SGCZ: variants seen among roughly 807,000 people sequenced by gnomAD.
SGCZ encodes the protein sarcoglycan zeta, also known as zeta-sarcoglycan.
SGCZ carries 40 observed loss-of-function variants against 41.3 expected under a neutral mutation model. The ratio of observed to expected loss-of-function variants is 0.97; its 90% confidence interval spans 0.75 to 1.26. SGCZ has a LOEUF of 1.26. Ranked by LOEUF, SGCZ falls within the 50% of genes most tolerant of loss-of-function variation. SGCZ has a pLI of 0.00. For missense variants in SGCZ, 552 were observed against 369.8 expected (o/e 1.49, Z -4.04); for synonymous variants, 206 against 137.5 (o/e 1.50, Z -3.49).
intron 1 of SGCZ, among the ~76,000 whole-genome samples, chr8:15,039,524 G>A (rs1803998493): frequency 6.6e-6 from 1 of 152,172 alleles, no homozygotes; most frequent in South Asian, 2.1e-4. Context: ...TACAGAGGAA[G>A]AATAAGTTCA....
chr8:14,488,960 T>A (rs768190202), intron 2 of SGCZ, among the ~76,000 whole-genome samples: 5 of 140,066 alleles, frequency 3.6e-5, no homozygotes, highest in East Asian at 2.0e-4. Context: ...AAGAAAAAAA[T>A]TCATCAACCA....
chr8:14,563,381 A>G (rs1200371933), intron 1 of SGCZ, among the ~76,000 whole-genome samples: 1 of 152,228 alleles, frequency 6.6e-6, no homozygotes, highest in Non-Finnish European at 1.5e-5. Context: ...AGGCTAAAAT[A>G]AATGACTCCT....
chr8:14,569,544 G>A (rs1043942353), intron 1 of SGCZ, among the ~76,000 whole-genome samples: 1 of 152,132 alleles, frequency 6.6e-6, no homozygotes, highest in Non-Finnish European at 1.5e-5. Flanking sequence ...TAGAAGCTAT[G>A]GATAGAATAG....
intron 2 of SGCZ, among the ~76,000 whole-genome samples, chr8:14,457,392 T>C (rs1444605748): frequency 6.6e-6 from 1 of 152,096 alleles, no homozygotes; most frequent in Admixed American, 6.5e-5. Context: ...TAGCAAAAGG[T>C]GTCAAGGAAC....
At chr8:14,207,931 T>C (rs921770250) in intron 4 of SGCZ, among the ~76,000 whole-genome samples, 1 of 152,174 alleles carries the variant, frequency 6.6e-6, no homozygotes, top group African/African-American at 2.4e-5. Flanking sequence ...AGCATGGTAC[T>C]ACTTATCCTA....
chr8:14,213,061 C>G (rs548340908), intron 4 of SGCZ, among the ~76,000 whole-genome samples: 3 of 151,948 alleles, frequency 2.0e-5, no homozygotes, highest in Admixed American at 1.3e-4. Context: ...TTCTCAGGGA[C>G]TGTGGGACAA....
At chr8:15,021,657 A>G (rs189567994) in intron 1 of SGCZ, among the ~76,000 whole-genome samples, 1 of 152,078 alleles carries the variant, frequency 6.6e-6, no homozygotes, top group Admixed American at 6.5e-5. Context: ...TGACGTGTTA[A>G]TCCACATATG....
intron 1 of SGCZ, among the ~76,000 whole-genome samples, chr8:15,049,773 T>G (rs1168445676): frequency 6.6e-6 from 1 of 152,116 alleles, no homozygotes; most frequent in Non-Finnish European, 1.5e-5. Flanking sequence ...AACTAAATCA[T>G]GGAGGCAATT....
chr8:14,974,792 G>A (rs559337127), intron 1 of SGCZ, among the ~76,000 whole-genome samples: 2 of 151,006 alleles, frequency 1.3e-5, no homozygotes, highest in African/African-American at 4.9e-5. Context: ...CAAAGTACTT[G>A]GAAACAAAAT....
chr8:15,015,279 A>T (rs1802982982), intron 1 of SGCZ, among the ~76,000 whole-genome samples: 1 of 152,038 alleles, frequency 6.6e-6, no homozygotes, highest in African/African-American at 2.4e-5. Context: ...ATTGGGATAA[A>T]GTGTTTATAA....
chr8:14,886,285 T>G lies in SGCZ; in HGVS notation c.40-331359A>C, dbSNP rs143727009. 9.4e-3 allele frequency among the ~76,000 whole-genome samples: 1,432 copies of G among 151,934 alleles called. 16 individuals carry two copies. The highest frequency in any genetic ancestry group is 0.032 in the African/African-American group (1,346 of 41,436). On this transcript the variant is annotated intron_variant, in intron 1 of 7. Coordinates refer to ENST00000382080, the MANE Select transcript of SGCZ (RefSeq NM_139167.4). Reference sequence around the variant, plus strand: ...TTCCATCCTGAGAGATAGCATAGAATAAACTAGCAAAAATCCCTGCTCTCA... The same window carrying G: ...TTCCATCCTGAGAGATAGCATAGAAGAAACTAGCAAAAATCCCTGCTCTCA...
intron 1 of SGCZ, among the ~76,000 whole-genome samples, chr8:14,685,186 T>G (rs375961234): frequency 4.6e-5 from 7 of 152,118 alleles, no homozygotes; most frequent in African/African-American, 1.7e-4. Context: ...ATGTTCTGCT[T>G]GTATTTCATG....
At chr8:14,131,873 C>G (rs1481171052) in intron 5 of SGCZ, among the ~76,000 whole-genome samples, 1 of 152,038 alleles carries the variant, frequency 6.6e-6, no homozygotes, top group Non-Finnish European at 1.5e-5. Context: ...ACATGCTGTA[C>G]AGCTTTGTAA....
chr8:14,825,402 G>C (rs931542476), intron 1 of SGCZ, among the ~76,000 whole-genome samples: 7 of 151,902 alleles, frequency 4.6e-5, no homozygotes, highest in African/African-American at 1.7e-4. Context: ...ACTTACTGAA[G>C]AACTCAAAAA....
chr8:14,516,441 T>A (rs190195635), intron 2 of SGCZ, among the ~76,000 whole-genome samples: 14 of 152,142 alleles, frequency 9.2e-5, no homozygotes, highest in Admixed American at 5.2e-4. Flanking sequence ...TAAGACACAT[T>A]TATCAATTTA....
chr8:14,394,597 T>G (rs1804913492), intron 2 of SGCZ, among the ~76,000 whole-genome samples: 1 of 152,184 alleles, frequency 6.6e-6, no homozygotes, highest in Non-Finnish European at 1.5e-5. Context: ...ATTCATGCAT[T>G]CATTCAGCAA....
chr8:14,516,824 T>G (rs2117089920), intron 2 of SGCZ, among the ~76,000 whole-genome samples: 1 of 152,232 alleles, frequency 6.6e-6, no homozygotes, highest in South Asian at 2.1e-4. Flanking sequence ...TGTTCACTGT[T>G]AACATTTTAT....
intron 1 of SGCZ, among the ~76,000 whole-genome samples, chr8:14,644,161 G>C (rs1186891578): frequency 2.0e-5 from 3 of 151,682 alleles, no homozygotes; most frequent in Admixed American, 6.6e-5. Flanking sequence ...ATGGTGCCCA[G>C]TTGTTTAGTC....
intron 1 of SGCZ, among the ~76,000 whole-genome samples, chr8:15,214,754 C>T (rs1371470528): frequency 6.6e-6 from 1 of 152,126 alleles, no homozygotes; most frequent in Non-Finnish European, 1.5e-5. Flanking sequence ...GACTTACCTT[C>T]TTCTTTCAAA....
Sources: gnomAD v4.1 joint callset for allele counts (sites outside exome capture counted in the v4.1 genomes callset) on GRCh38, gnomAD v4.1.1 for gene constraint, MANE v1.5 for transcripts, NCBI Gene and HGNC (gene_info 2026-07-23, HGNC 2026-07-21) for gene names.